SAMD8: variants seen among roughly 807,000 people sequenced by gnomAD.
SAMD8 encodes sphingomyelin synthase-related protein 1.
In SAMD8, 20 loss-of-function variants were observed where a neutral mutation model predicts 42.0. The ratio of observed to expected loss-of-function variants is 0.48; its 90% CI spans 0.34 to 0.69. The LOEUF is 0.69. Among genes scored for constraint, SAMD8 ranks in the 30% least tolerant of loss-of-function variants. SAMD8 has a pLI of 0.01. For missense variants in SAMD8, 328 were observed against 511.6 expected, an observed-to-expected ratio of 0.64 and a Z score of 3.46; for synonymous variants, 162 against 173.0, an observed-to-expected ratio of 0.94 and a Z score of 0.50.
intron 1 of SAMD8, among the ~76,000 whole-genome samples, chr10:75,128,715 C>G (rs749042746): frequency 1.3e-5 from 2 of 151,954 alleles, no homozygotes; most frequent in Non-Finnish European, 2.9e-5. Flanking sequence ...TATGGGTGGT[C>G]GGCAGGGGGT....
chr10:75,132,084 G>C (rs1482107024), intron 1 of SAMD8, among the ~76,000 whole-genome samples: 1 of 152,206 alleles, frequency 6.6e-6, no homozygotes, highest in East Asian at 1.9e-4. Context: ...GCATCAAAGA[G>C]AATTGGCTTT....
At chr10:75,123,035 A>G (rs1195654508) in intron 1 of SAMD8, among the ~76,000 whole-genome samples, 4 of 152,084 alleles carry the variant, frequency 2.6e-5, no homozygotes, top group South Asian at 2.1e-4. Context: ...TTTTGCATCT[A>G]TATTCGTGAG....
intron 1 of SAMD8, among the ~76,000 whole-genome samples, chr10:75,122,148 G>C (rs1294431271): frequency 6.6e-6 from 1 of 151,772 alleles, no homozygotes; most frequent in African/African-American, 2.4e-5. Context: ...CATTCTTATT[G>C]TATGGAATAT....
upstream of SAMD8, among the ~76,000 whole-genome samples, chr10:75,109,841 A>C (rs1173172021): frequency 2.3e-5 from 2 of 88,458 alleles, no homozygotes; most frequent in African/African-American, 9.7e-5. Flanking sequence ...TTGTTTAGAC[A>C]GGGTCTCACT....
intron 1 of SAMD8, among the ~76,000 whole-genome samples, chr10:75,143,169 C>G (rs1372187609): frequency 1.3e-5 from 2 of 152,108 alleles, no homozygotes; most frequent in African/African-American, 4.8e-5. Context: ...TAGCCTGGTG[C>G]AGTGGCACGG....
intron 1 of SAMD8, among the ~76,000 whole-genome samples, chr10:75,123,062 A>G (rs1013901477): frequency 1.3e-5 from 2 of 152,098 alleles, no homozygotes; most frequent in Non-Finnish European, 2.9e-5. Context: ...TGGCCCTTCT[A>G]CAGACACCAT....
Position 75,179,568 on chromosome 10 carries a change from G to A in SAMD8, c.*2876G>A, listed in dbSNP as rs1414783557. ...ATGTTTTGAGAAAAATGTAAGTTAGGTATAACTTATTGTTTTAACTATTAT... is the reference window on the plus strand; with the variant it reads ...ATGTTTTGAGAAAAATGTAAGTTAGATATAACTTATTGTTTTAACTATTAT... On this transcript the variant is annotated 3_prime_UTR_variant, in exon 6 of 6. Transcript: ENST00000542569. 6.6e-6 allele frequency: 1 copy of A among 152,142 alleles called. No homozygotes were observed. Among genetic ancestry groups the A allele is most frequent in the African/African-American group, 2.4e-5 (1 of 41,420 alleles). The allele number at this position is 152,142 out of a possible 1,614,324, so 9.4% of individuals were successfully genotyped here.
chr10:75,158,615 C>A (rs970185458), intron 2 of SAMD8, among the ~76,000 whole-genome samples: 1 of 151,928 alleles, frequency 6.6e-6, no homozygotes, highest in Admixed American at 6.6e-5. Context: ...ATAAAGTATA[C>A]AATTCAGTGG....
intron 1 of SAMD8, among the ~76,000 whole-genome samples, chr10:75,127,053 G>A (rs1849159619): frequency 6.6e-6 from 1 of 152,026 alleles, no homozygotes. Context: ...GTGGAGAGAG[G>A]CGGCTTGTGC....
intron 1 of SAMD8, among the ~76,000 whole-genome samples, chr10:75,102,455 A>G (rs1257886718): frequency 6.6e-6 from 1 of 152,142 alleles, no homozygotes; most frequent in Non-Finnish European, 1.5e-5. Flanking sequence ...AAAGAAAAAA[A>G]GAAAAAACAA....
intron 2 of SAMD8, among the ~76,000 whole-genome samples, chr10:75,152,521 C>CA (rs1280262074): frequency 2.1e-3 from 94 of 45,826 alleles, no homozygotes; most frequent in East Asian, 3.1e-3. Context: ...GACTCCGTCT[C>CA]AAAAAAAAAA....
At chr10:75,137,446 AG>A (rs1186269522) in intron 1 of SAMD8, among the ~76,000 whole-genome samples, 1 of 151,996 alleles carries the variant, frequency 6.6e-6, no homozygotes, top group Non-Finnish European at 1.5e-5. Flanking sequence ...AGGCTGAGGC[AG>A]GAGAATTGCT....
chr10:75,142,686 CG>C (rs1840046547), intron 1 of SAMD8, among the ~76,000 whole-genome samples: 1 of 152,096 alleles, frequency 6.6e-6, no homozygotes, highest in Non-Finnish European at 1.5e-5. Context: ...CCGCCCGCCT[CG>C]GCCTCCCAAA....
intron 1 of SAMD8, among the ~76,000 whole-genome samples, chr10:75,138,448 A>G (rs967351756): frequency 3.3e-5 from 5 of 152,202 alleles, no homozygotes; most frequent in African/African-American, 1.2e-4. Flanking sequence ...TTAATGTGGT[A>G]GAACACATTT....
intron 1 of SAMD8, among the ~76,000 whole-genome samples, chr10:75,100,387 G>C (rs545015041): frequency 6.6e-6 from 1 of 152,254 alleles, no homozygotes; most frequent in South Asian, 2.1e-4. Flanking sequence ...CTGGGACCCA[G>C]CCCATCCCAT....
At chr10:75,118,946 A>G (rs7094036) in intron 1 of SAMD8, among the ~76,000 whole-genome samples, 2,105 of 152,282 alleles carry the variant, frequency 0.014, 51 homozygotes, top group African/African-American at 0.048. Context: ...TAGATAAGCT[A>G]AATGTATTTG....
At chr10:75,168,485 G>A in intron 3 of SAMD8, 56 bp from the exon 4 acceptor site, 2 of 1,591,928 alleles carry the variant, frequency 1.3e-6, no homozygotes, top group Non-Finnish European at 1.7e-6. Context: ...TGATGCCTGG[G>A]GTTTTTTGGT....
At chr10:75,111,465 C>A, upstream of SAMD8, 1 of 1,215,018 alleles carries the variant, frequency 8.2e-7, no homozygotes, top group Non-Finnish European at 1.0e-6. Flanking sequence ...AACCCCGTCC[C>A]CGGCCGGTAG....
intron 3 of SAMD8, 145 bp downstream of exon 3, chr10:75,164,885 TG>T: frequency 1.5e-6 from 1 of 654,946 alleles, no homozygotes; most frequent in Non-Finnish European, 2.7e-6. Flanking sequence ...ATTTTGAGTT[TG>T]ATCAGTAAGA....
Sources: allele counts gnomAD v4.1 joint callset (sites outside exome capture counted in the v4.1 genomes callset), GRCh38; gene constraint gnomAD v4.1.1; transcripts MANE v1.5; gene names NCBI Gene and HGNC (gene_info 2026-07-23, HGNC 2026-07-21).